GABBR2: variants seen among roughly 807,000 people sequenced by gnomAD.
GABBR2 encodes G-protein coupled receptor 51.
A neutral mutation model predicts 105.6 loss-of-function variants in GABBR2; 23 were observed. The ratio of observed to expected loss-of-function variants is 0.22; its 90% confidence interval spans 0.16 to 0.31. GABBR2 has a LOEUF of 0.31. Among genes scored for constraint, GABBR2 ranks in the 10% least tolerant of loss-of-function variants. GABBR2 has a pLI of 1.00. For missense variants in GABBR2, 734 were observed against 1,245.5 expected (o/e 0.59, Z 6.18); for synonymous variants, 478 against 499.7 (o/e 0.96, Z 0.58).
chr9:98,340,401 A>G (rs1477940177), intron 13 of GABBR2, among the ~76,000 whole-genome samples: 2 of 151,874 alleles, frequency 1.3e-5, no homozygotes, highest in Admixed American at 6.6e-5. Context: ...GTTGTTTACA[A>G]TCTATTCTGT....
chr9:98,627,243 C>T (rs1459984218), intron 1 of GABBR2, among the ~76,000 whole-genome samples: 3 of 152,070 alleles, frequency 2.0e-5, no homozygotes, highest in Non-Finnish European at 2.9e-5. Flanking sequence ...CTAGTGAGAC[C>T]GGAGGCCAAG....
At chr9:98,437,077 T>C (rs1469357334) in intron 7 of GABBR2, among the ~76,000 whole-genome samples, 2 of 152,094 alleles carry the variant, frequency 1.3e-5, no homozygotes, top group Non-Finnish European at 2.9e-5. Context: ...AGATAAAACA[T>C]GTATTTCCGT....
intron 4 of GABBR2, among the ~76,000 whole-genome samples, chr9:98,481,540 CAG>C (rs1274998297): frequency 6.6e-6 from 1 of 152,164 alleles, no homozygotes; most frequent in African/African-American, 2.4e-5. Context: ...CTGGAGCCTA[CAG>C]AGCTTCCCAA....
At chr9:98,345,758 C>G (rs2131414522) in intron 13 of GABBR2, among the ~76,000 whole-genome samples, 1 of 152,340 alleles carries the variant, frequency 6.6e-6, no homozygotes, top group East Asian at 1.9e-4. Flanking sequence ...AGCAAAGTTT[C>G]AGGATATTAG....
chr9:98,449,513 A>G (rs778276468), intron 7 of GABBR2, among the ~76,000 whole-genome samples: 2 of 152,120 alleles, frequency 1.3e-5, no homozygotes, highest in Non-Finnish European at 2.9e-5. Flanking sequence ...CTGCTGTTTA[A>G]TATGTGAATT....
At chr9:98,652,145 G>A (rs1830117530) in intron 1 of GABBR2, among the ~76,000 whole-genome samples, 2 of 152,148 alleles carry the variant, frequency 1.3e-5, no homozygotes, top group African/African-American at 4.8e-5. Context: ...ATGTATCATA[G>A]TTACATTATG....
At position 98,361,877 on chromosome 9, in the gene GABBR2, T is replaced by G. The variant is rs576003373; in HGVS notation, c.1893+838A>C. 3.9e-5 allele frequency among the ~76,000 whole-genome samples: 6 copies of G among 152,350 alleles called. No homozygotes were observed. The South Asian group carries it at 1.2e-3, about 32-fold the overall frequency. The stretch of plus-strand genomic sequence containing the variant: ...ATAAATGAGGCTGAGCATCTTATTT[T>G]CTATAAAACCTTCTTGTCTAGAAAG... On this transcript the variant is annotated intron_variant, in intron 13 of 18. Coordinates refer to ENST00000259455, the MANE Select transcript of GABBR2 (RefSeq NM_005458.8).
At chr9:98,351,913 C>T (rs190878901) in intron 13 of GABBR2, among the ~76,000 whole-genome samples, 2 of 152,340 alleles carry the variant, frequency 1.3e-5, no homozygotes, top group East Asian at 3.9e-4. Flanking sequence ...TGTATCCTTA[C>T]ATTGATATCT....
intron 13 of GABBR2, among the ~76,000 whole-genome samples, chr9:98,339,478 AC>A (rs1316494035): frequency 6.6e-6 from 1 of 152,142 alleles, no homozygotes; most frequent in Non-Finnish European, 1.5e-5. Context: ...CTCATTTTGC[AC>A]CACCTGTAGC....
chr9:98,695,519 A>G (rs1830738083), intron 1 of GABBR2, among the ~76,000 whole-genome samples: 1 of 152,200 alleles, frequency 6.6e-6, no homozygotes, highest in African/African-American at 2.4e-5. Context: ...TCAGACACAG[A>G]TCACAACTTC....
At chr9:98,589,529 T>A (rs961481509) in intron 1 of GABBR2, among the ~76,000 whole-genome samples, 1 of 152,102 alleles carries the variant, frequency 6.6e-6, no homozygotes, top group African/African-American at 2.4e-5. Flanking sequence ...TCAGCACACC[T>A]GGGGAACTAT....
rs775176707 is a variant in GABBR2 at position 98,306,947 on chromosome 9, A to G, written c.2005-602T>C. 5.3e-5 allele frequency among the ~76,000 whole-genome samples: 8 copies of G among 152,158 alleles called. No homozygotes were observed. The highest frequency in any genetic ancestry group is 1.2e-4 in the Non-Finnish European group (8 of 68,018). On this transcript the variant is annotated intron_variant, in intron 14 of 18. Coordinates refer to ENST00000259455, the MANE Select transcript of GABBR2 (RefSeq NM_005458.8). This position sits in a 1 kb window ranked among gnomAD's most constrained non-coding sequence, Gnocchi z 5.4. ...GAAGTGGTGTGCACATGTTCTGGGA[A>G]GTGTCTTTAAAGGGAAGAGGTGTTG...
chr9:98,447,980 G>A (rs945585681), intron 7 of GABBR2, among the ~76,000 whole-genome samples: 3 of 151,992 alleles, frequency 2.0e-5, no homozygotes, highest in Non-Finnish European at 2.9e-5. Flanking sequence ...TCTGCAAATC[G>A]CCATCTGCTG....
At chr9:98,594,363 G>A (rs1480612971) in intron 1 of GABBR2, among the ~76,000 whole-genome samples, 1 of 152,226 alleles carries the variant, frequency 6.6e-6, no homozygotes, top group Non-Finnish European at 1.5e-5. Flanking sequence ...GACGCCTGGT[G>A]CTGCCCCTGG....
intron 2 of GABBR2, among the ~76,000 whole-genome samples, chr9:98,565,130 G>A (rs1054135859): frequency 2.0e-5 from 3 of 152,284 alleles, no homozygotes; most frequent in Admixed American, 6.5e-5. Context: ...CCTACCTGAG[G>A]TATGACTTTA....
intron 5 of GABBR2, among the ~76,000 whole-genome samples, chr9:98,474,228 T>G (rs1826744025): frequency 1.3e-5 from 2 of 152,156 alleles, no homozygotes; most frequent in African/African-American, 4.8e-5. Flanking sequence ...CAGGCCTGGA[T>G]CTAGTTCTGC....
At chr9:98,335,099 C>A (rs377048824) in intron 13 of GABBR2, among the ~76,000 whole-genome samples, 4 of 152,330 alleles carry the variant, frequency 2.6e-5, no homozygotes, top group African/African-American at 9.6e-5. Context: ...ATGAACAATG[C>A]TGCAGAAATA....
chr9:98,499,880 C>T lies in GABBR2; in HGVS notation c.631-3366G>A, dbSNP rs774986782. 5.5e-4 allele frequency among the ~76,000 whole-genome samples: 83 copies of T among 152,124 alleles called. 1 individual carries two copies. The highest frequency in any genetic ancestry group is 8.8e-4 in the Non-Finnish European group (60 of 68,036). On this transcript the variant is annotated intron_variant, in intron 3 of 18. Coordinates refer to ENST00000259455, the MANE Select transcript of GABBR2 (RefSeq NM_005458.8). ...CAGCCTGGCCAACATGGTGAAACCC[C>T]GTCTCTACTAAAAGTATAAAAATTA...
intron 6 of GABBR2, among the ~76,000 whole-genome samples, chr9:98,467,557 G>T (rs1389701955): frequency 6.6e-6 from 1 of 152,212 alleles, no homozygotes; most frequent in East Asian, 1.9e-4. Context: ...GCTAAGCTCA[G>T]TGCTTCCCTA....
Sources: gnomAD v4.1 joint callset for allele counts (sites outside exome capture counted in the v4.1 genomes callset) on GRCh38, gnomAD v4.1.1 for gene constraint, Gnocchi (gnomAD v3.1) non-coding constraint, MANE v1.5 for transcripts, NCBI Gene and HGNC (gene_info 2026-07-23, HGNC 2026-07-21) for gene names.